Variants in NAALADL2 observed in about 807,000 individuals in gnomAD.
NAALADL2 encodes N-acetylated alpha-linked acidic dipeptidase like 2.
A neutral mutation model predicts 87.2 loss-of-function variants in NAALADL2; 76 were observed. The ratio of observed to expected loss-of-function variants is 0.87; its 90% CI spans 0.72 to 1.05. NAALADL2 has a LOEUF of 1.05. Among genes scored for constraint, NAALADL2 ranks in the 50% least tolerant of loss-of-function variants. The pLI is 0.00. For missense variants in NAALADL2, 1,089 were observed against 945.8 expected (o/e 1.15, Z -1.99); for synonymous variants, 354 against 331.0 (o/e 1.07, Z -0.75).
At chr3:175,240,670 T>G (rs967948769) in intron 3 of NAALADL2, among the ~76,000 whole-genome samples, 12 of 152,214 alleles carry the variant, frequency 7.9e-5, no homozygotes, top group African/African-American at 2.9e-4. Context: ...TTGTTTGTTT[T>G]TTGAGATGGA....
upstream of NAALADL2, among the ~76,000 whole-genome samples, chr3:174,857,785 T>G (rs1726015456): frequency 6.6e-6 from 1 of 151,996 alleles, no homozygotes; most frequent in South Asian, 2.1e-4. Flanking sequence ...AAAGAGAGAA[T>G]GGGTTTTCAA....
chr3:174,826,344 T>C (rs1721993626), intron 3 of NAALADL2, among the ~76,000 whole-genome samples: 1 of 152,228 alleles, frequency 6.6e-6, no homozygotes, highest in Non-Finnish European at 1.5e-5. Flanking sequence ...TTTGGCTCTG[T>C]TATTTGCAAG....
chr3:175,060,970 C>G (rs1350599073), intron 1 of NAALADL2, among the ~76,000 whole-genome samples: 2 of 152,026 alleles, frequency 1.3e-5, no homozygotes, highest in Admixed American at 1.3e-4. Context: ...GGCTTGAACC[C>G]GGGAGGTGGA....
intron 10 of NAALADL2, among the ~76,000 whole-genome samples, chr3:175,579,249 T>C (rs989068501): frequency 2.0e-5 from 3 of 152,100 alleles, no homozygotes; most frequent in African/African-American, 7.2e-5. Context: ...AGATTGATCA[T>C]GGATCTATTA....
At chr3:175,648,779 G>A (rs1730366934) in intron 11 of NAALADL2, among the ~76,000 whole-genome samples, 1 of 152,054 alleles carries the variant, frequency 6.6e-6, no homozygotes, top group Admixed American at 6.6e-5. Flanking sequence ...GCTTAAAAAG[G>A]TATTATTTTC....
chr3:175,531,804 A>G (rs1275152889), intron 9 of NAALADL2, among the ~76,000 whole-genome samples: 1 of 152,190 alleles, frequency 6.6e-6, no homozygotes, highest in East Asian at 1.9e-4. Flanking sequence ...GGTTAAGCTT[A>G]CGATAATCCA....
At chr3:175,544,658 G>A (rs1377009681) in intron 9 of NAALADL2, among the ~76,000 whole-genome samples, 2 of 152,068 alleles carry the variant, frequency 1.3e-5, no homozygotes, top group Admixed American at 1.3e-4. Flanking sequence ...TTGGATATTT[G>A]CCTATTTTAT....
chr3:175,556,454 A>G (rs1223843954), intron 9 of NAALADL2, among the ~76,000 whole-genome samples: 1 of 146,218 alleles, frequency 6.8e-6, no homozygotes, highest in South Asian at 2.1e-4. Flanking sequence ...CAAAGCACTT[A>G]AAGAATAAGA....
At chr3:175,414,012 A>C (rs1299210915) in intron 5 of NAALADL2, among the ~76,000 whole-genome samples, 1 of 151,882 alleles carries the variant, frequency 6.6e-6, no homozygotes, top group Non-Finnish European at 1.5e-5. Context: ...TGTCCATATC[A>C]CTATGTTTGT....
intron 2 of NAALADL2, among the ~76,000 whole-genome samples, chr3:174,735,819 G>A (rs139710951): frequency 3.9e-5 from 6 of 152,284 alleles, no homozygotes; most frequent in East Asian, 1.9e-4. Context: ...GGCCAGCAGC[G>A]CCTTTGCCAG....
At position 175,083,042 on chromosome 3, in the gene NAALADL2, T is replaced by C. The variant is rs576436703; in HGVS notation, c.44-13748T>C. Among the ~76,000 whole-genome samples the C allele has an allele frequency of 1.3e-4, 20 of 152,348 alleles. 1 individual carries two copies. In the South Asian group the frequency reaches 4.1e-3, roughly 32 times the overall value. On this transcript the variant is annotated intron_variant, in intron 1 of 13. Transcript: ENST00000454872. ...CAGGACCTGGTTTAGTTTTCAACTCTGTGTTGTCCACATAAGAAACACCAG... is the reference window on the plus strand; with the variant it reads ...CAGGACCTGGTTTAGTTTTCAACTCCGTGTTGTCCACATAAGAAACACCAG...
chr3:175,350,413 C>T (rs151240804), intron 5 of NAALADL2, among the ~76,000 whole-genome samples: 2 of 152,136 alleles, frequency 1.3e-5, no homozygotes, highest in African/African-American at 4.8e-5. Flanking sequence ...TTCTTCCGTT[C>T]ATACTGCTAA....
chr3:174,464,354 A>ATCATTTTTTAAAGTTGTTGGAT (rs1716394082), intron 1 of NAALADL2, among the ~76,000 whole-genome samples: 3 of 149,924 alleles, frequency 2.0e-5, no homozygotes, highest in Non-Finnish European at 4.4e-5. Context: ...CTCTGAAATG[A>ATCATTTTTTAAAGTTGTTGGAT]TCATTTTTTA....
chr3:175,048,877 C>T (rs2109009100), intron 1 of NAALADL2, among the ~76,000 whole-genome samples: 1 of 152,140 alleles, frequency 6.6e-6, no homozygotes, highest in Admixed American at 6.5e-5. Flanking sequence ...ATATGGTGGC[C>T]TGAAAGCTGC....
intron 3 of NAALADL2, among the ~76,000 whole-genome samples, chr3:174,825,530 C>A (rs944586059): frequency 3.3e-5 from 5 of 152,160 alleles, no homozygotes; most frequent in Non-Finnish European, 5.9e-5. Context: ...TGTACTGATA[C>A]AAATGCCAGT....
intron 2 of NAALADL2, among the ~76,000 whole-genome samples, chr3:174,679,063 T>C (rs1030232312): frequency 1.3e-5 from 2 of 152,186 alleles, no homozygotes; most frequent in Non-Finnish European, 2.9e-5. Flanking sequence ...TTCATTGAGC[T>C]TCCCAAACCT....
At chr3:175,236,317 G>A (rs1396502693) in intron 3 of NAALADL2, among the ~76,000 whole-genome samples, 3 of 151,960 alleles carry the variant, frequency 2.0e-5, no homozygotes, top group Non-Finnish European at 2.9e-5. Flanking sequence ...AGGCCGAGGC[G>A]GGTGGATCAC....
chr3:175,781,183 C>G (rs562253465), intron 13 of NAALADL2, among the ~76,000 whole-genome samples: 1 of 152,218 alleles, frequency 6.6e-6, no homozygotes, highest in Admixed American at 6.5e-5. Context: ...AGTTATTTCT[C>G]AAATTGACAA....
intron 2 of NAALADL2, among the ~76,000 whole-genome samples, chr3:174,718,578 C>A (rs934194307): frequency 1.3e-5 from 2 of 152,226 alleles, no homozygotes; most frequent in Middle Eastern, 3.4e-3. Flanking sequence ...TTATTATGTC[C>A]AATTTTTGCC....
Sources: gnomAD v4.1 joint callset for allele counts (sites outside exome capture counted in the v4.1 genomes callset) on GRCh38, gnomAD v4.1.1 for gene constraint, MANE v1.5 for transcripts, NCBI Gene and HGNC (gene_info 2026-07-23, HGNC 2026-07-21) for gene names.